Variants in HARBI1 observed in about 807,000 individuals in gnomAD.
HARBI1 encodes harbinger transposase derived 1, also known as putative nuclease HARBI1.
In HARBI1, 15 loss-of-function variants were observed where a neutral mutation model predicts 25.3. The observed-to-expected ratio is 0.59, with a 90% CI of 0.40 to 0.91. The LOEUF (loss-of-function observed/expected upper bound fraction) is 0.91. Ranked by LOEUF, HARBI1 falls within the 40% of genes least tolerant of loss-of-function variation. The pLI is 0.00. For missense variants in HARBI1, 396 were observed against 445.8 expected (o/e 0.89, Z 1.01); for synonymous variants, 168 against 160.5 (o/e 1.05, Z -0.35).
chr11:46,604,320 T>C (rs1336420094), intron 2 of HARBI1: 1 of 855,114 alleles, frequency 1.2e-6, no homozygotes, highest in African/African-American at 1.8e-5. Flanking sequence ...AAGACCAGCC[T>C]GACCAACGTG....
intron 2 of HARBI1, among the ~76,000 whole-genome samples, chr11:46,613,684 T>C (rs2045272261): frequency 6.6e-6 from 1 of 151,906 alleles, no homozygotes; most frequent in Non-Finnish European, 1.5e-5. Flanking sequence ...GGTTTCACTA[T>C]GTTGGACAGG....
At chr11:46,611,946 A>G (rs188324987) in intron 2 of HARBI1, among the ~76,000 whole-genome samples, 1 of 152,230 alleles carries the variant, frequency 6.6e-6, no homozygotes, top group Non-Finnish European at 1.5e-5. Context: ...TGCACTAAAA[A>G]TAGTACGGAG....
intron 2 of HARBI1, among the ~76,000 whole-genome samples, chr11:46,608,492 T>A (rs2045043778): frequency 1.3e-5 from 2 of 152,158 alleles, no homozygotes; most frequent in South Asian, 4.1e-4. Flanking sequence ...TTGCCCAGAC[T>A]GGAGTGCAAT....
chr11:46,608,161 G>A (rs2045028897), intron 2 of HARBI1, among the ~76,000 whole-genome samples: 2 of 152,110 alleles, frequency 1.3e-5, no homozygotes, highest in South Asian at 4.1e-4. Flanking sequence ...AGCTGGGCAT[G>A]GTGGCAGGCA....
rs1202218622 is a variant in HARBI1, at chr11:46,616,289, T to A, written c.-52A>T. 1.3e-6 allele frequency: 2 copies of A among 1,548,350 alleles called. No individual in the cohort carries two copies. Among genetic ancestry groups the A allele is most frequent in the African/African-American group, 2.7e-5 (2 of 73,150 alleles). ...TTTGCTTTTTCTGAACTGTTCCCAA[T>A]GAAGATGTTGGTGCAAGAACGTATT... On this transcript the variant is annotated 5_prime_UTR_variant, in exon 2 of 3. Transcript: ENST00000326737.
chr11:46,614,612 T>C (rs537281375), intron 2 of HARBI1, among the ~76,000 whole-genome samples: 2 of 152,122 alleles, frequency 1.3e-5, no homozygotes, highest in East Asian at 3.9e-4. Context: ...GAAAAAAAAG[T>C]TTAATTGTTT....
chr11:46,604,452 TTAA>T (rs2044863287), intron 2 of HARBI1: 6 of 944,204 alleles, frequency 6.4e-6, no homozygotes, highest in Admixed American at 6.2e-5. Context: ...GATATTGTTA[TTAA>T]TAAAAGGCTT....
In HARBI1 at chr11:46,616,190, G is replaced by A. The variant is rs1192410537; in HGVS notation, c.48C>T (p.Gly16=). The change falls in exon 2 of 3, where the codon GGC becomes GGT. Residue 16 remains glycine, a synonymous_variant. Transcript: ENST00000326737. Reference sequence around the variant, plus strand: ...AACGGTCCAATGTCCGGTGACCACGGCCATATAGCAAGAGGTCACAGTCAA... The same window carrying A: ...AACGGTCCAATGTCCGGTGACCACGACCATATAGCAAGAGGTCACAGTCAA... The part of the protein sequence containing the change: ...TVLDCDLLLY[G]RGHRTLDRFK... 1 of 1,612,900 alleles carries A rather than the reference G, an allele frequency of 6.2e-7. No individual in the cohort carries two copies.
At chr11:46,606,249 AAAT>A (rs894977041) in intron 2 of HARBI1, among the ~76,000 whole-genome samples, 5 of 152,180 alleles carry the variant, frequency 3.3e-5, no homozygotes, top group South Asian at 4.1e-4. Flanking sequence ...CTGATGCTAT[AAAT>A]AATAATGAAA....
chr11:46,609,544 A>G (rs2045091238), intron 2 of HARBI1, among the ~76,000 whole-genome samples: 2 of 151,888 alleles, frequency 1.3e-5, no homozygotes, highest in Admixed American at 6.6e-5. Context: ...ACAGGGTTTC[A>G]GCATGTTGAC....
chr11:46,610,215 T>C (rs1418384899), intron 2 of HARBI1, among the ~76,000 whole-genome samples: 1 of 151,836 alleles, frequency 6.6e-6, no homozygotes, highest in Non-Finnish European at 1.5e-5. Context: ...AACTACTCGG[T>C]AGACTGATGT....
At chr11:46,617,677 A>G (rs1487034535), upstream of HARBI1, 2 of 393,334 alleles carry the variant, frequency 5.1e-6, no homozygotes, top group Admixed American at 8.9e-5. Flanking sequence ...GCGCCAGTCG[A>G]CGTGGGTGCG....
upstream of HARBI1, chr11:46,617,758 T>G (rs1040506366): frequency 4.8e-5 from 19 of 398,780 alleles, no homozygotes; most frequent in Non-Finnish European, 7.1e-5. Context: ...GCCTTAGGTG[T>G]CTATCGGCGA....
Position 46,607,259 on chromosome 11 carries a change from C to CAA in HARBI1, c.671-3352_671-3351dup, listed in dbSNP as rs149824275. On this transcript the variant is annotated intron_variant, in intron 2 of 2. Transcript: ENST00000326737. ...CCAAGGCGACAGGGTGAGACTGTCT[C>CAA]AAAAAAAAAAAAAAAAAAAAGATTA... 3.8e-3 allele frequency among the ~76,000 whole-genome samples: 270 copies of CAA among 71,562 alleles called. 2 individuals carry two copies. Among genetic ancestry groups the CAA allele is most frequent in the Middle Eastern group, 0.018 (2 of 110 alleles). 46.9% of individuals were successfully genotyped at this position (71,562 alleles called of 152,430 possible).
Position 46,616,297 on chromosome 11 carries a change from T to A in HARBI1, c.-60A>T. Reference sequence around the variant, plus strand: ...TTCTGAACTGTTCCCAATGAAGATGTTGGTGCAAGAACGTATTTTTAAGAA... The same window carrying A: ...TTCTGAACTGTTCCCAATGAAGATGATGGTGCAAGAACGTATTTTTAAGAA... On this transcript the variant is annotated 5_prime_UTR_variant, in exon 2 of 3. Coordinates refer to ENST00000326737, the MANE Select transcript of HARBI1 (RefSeq NM_173811.4). The A allele has an allele frequency of 6.5e-7, 1 of 1,540,472 alleles. No homozygotes were observed. Among genetic ancestry groups the A allele is most frequent in the Non-Finnish European group, 8.7e-7 (1 of 1,150,766 alleles).
At chr11:46,612,010 G>T (rs2045201258) in intron 2 of HARBI1, among the ~76,000 whole-genome samples, 1 of 151,346 alleles carries the variant, frequency 6.6e-6, no homozygotes, top group Non-Finnish European at 1.5e-5. Flanking sequence ...TGGTACCCTG[G>T]CAGCTCTACA....
chr11:46,616,981 GAC>G, intron 1 of HARBI1, 141 bp downstream of exon 1: 4 of 985,158 alleles, frequency 4.1e-6, no homozygotes, highest in Non-Finnish European at 4.8e-6. Flanking sequence ...CGGAAGACCA[GAC>G]ACATTGGAAG....
In HARBI1 at chr11:46,604,707, G is replaced by C. The variant is rs934076178; in HGVS notation, c.671-798C>G. 3.0e-6 allele frequency: 3 copies of C among 985,146 alleles called. No individual in the cohort carries two copies. The African/African-American group carries it at 5.2e-5, about 17-fold the overall frequency. 61.0% of individuals were successfully genotyped at this position (985,146 alleles called of 1,614,324 possible). A position where few individuals can be genotyped will look rare whatever the true frequency, so the allele number is the denominator to read the frequency against. ...ATAAGATAAAAGTCCGAGCACTTATGGCAGAGATCAGAACTCAGGTGTTCT... is the reference window on the plus strand; with the variant it reads ...ATAAGATAAAAGTCCGAGCACTTATCGCAGAGATCAGAACTCAGGTGTTCT... On this transcript the variant is annotated intron_variant, in intron 2 of 2. Coordinates refer to ENST00000326737, the MANE Select transcript of HARBI1 (RefSeq NM_173811.4).
intron 2 of HARBI1, among the ~76,000 whole-genome samples, chr11:46,612,827 C>T (rs566327716): frequency 3.3e-5 from 5 of 151,204 alleles, no homozygotes; most frequent in East Asian, 3.9e-4. Context: ...CCTGCCACCA[C>T]GCCCAGCTAA....
Sources: gnomAD v4.1 joint callset for allele counts (sites outside exome capture counted in the v4.1 genomes callset) on GRCh38, gnomAD v4.1.1 for gene constraint, MANE v1.5 for transcripts, NCBI Gene and HGNC (gene_info 2026-07-23, HGNC 2026-07-21) for gene names.